The following RAD54B variants were observed in gnomAD, a reference collection of about 807,000 sequenced individuals.
The protein encoded by RAD54B is RAD54 homolog B, also known as DNA repair and recombination protein RAD54B.
In RAD54B, 78 loss-of-function variants were observed where a neutral mutation model predicts 95.8. The ratio of observed to expected loss-of-function variants is 0.81; its 90% CI spans 0.68 to 0.98. The LOEUF (loss-of-function observed/expected upper bound fraction) is 0.98, where lower values mean the gene tolerates loss of function less well. Among genes scored for constraint, RAD54B ranks in the 50% least tolerant of loss-of-function variants. The pLI is 0.00. For synonymous variants in RAD54B, 328 were observed against 354.9 expected, an observed-to-expected ratio of 0.92 and a Z score of 0.85; for missense variants, 957 against 1,056.6, an observed-to-expected ratio of 0.91 and a Z score of 1.31.
intron 3 of RAD54B, among the ~76,000 whole-genome samples, chr8:94,418,130 G>A (rs923581272): frequency 6.6e-6 from 1 of 152,174 alleles, no homozygotes; most frequent in Non-Finnish European, 1.5e-5. Context: ...CCCAGTAGAT[G>A]TAGTGGATAG....
rs1426736288 is a variant in RAD54B, at chr8:94,458,271, T to A, written c.301A>T (p.Thr101Ser). The change falls in exon 3 of 15, where the codon ACA (threonine) becomes TCA (serine). Residue 101 changes from threonine (T) to serine (S), a missense_variant. Thr to Ser is a moderately conservative substitution (Grantham distance 58). Transcript: ENST00000336148. ...TATCAATAAAAAGCAGTCTTACCTG[T>A]ATGAGGTGGATCTAATGTTGCCAGT... ...PTLATLDPPH[T>S]VHSAPKEVAV... is the part of the protein sequence containing the mutation. 27 of 1,601,492 alleles carry A rather than the reference T, an allele frequency of 1.7e-5. No individual in the cohort carries two copies. The highest frequency in any genetic ancestry group is 2.2e-5 in the Non-Finnish European group (26 of 1,175,950).
chr8:94,425,336 T>C (rs1200011467), intron 3 of RAD54B, among the ~76,000 whole-genome samples: 5 of 150,920 alleles, frequency 3.3e-5, no homozygotes, highest in Non-Finnish European at 5.9e-5. Context: ...ATTACAGGCA[T>C]GAGCCACCGC....
At chr8:94,402,717 G>C (rs1316329937) in intron 6 of RAD54B, among the ~76,000 whole-genome samples, 1 of 152,094 alleles carries the variant, frequency 6.6e-6, no homozygotes, top group Non-Finnish European at 1.5e-5. Context: ...TTAAATAAGG[G>C]AATGCCATGT....
rs1478184249 is a variant in RAD54B at position 94,387,016 on chromosome 8, T to C, written c.1953A>G (p.Leu651=). ...TAGGTCGAAGTTCGTGGATAACCGC[T>C]AAGAGCTTGGACAACACCTGTAGTT... ...SGKLQVLSKL[L]AVIHELRPTE... Residue 651 remains leucine, a synonymous_variant, in exon 11 of 15, where the codon TTA becomes TTG. Coordinates refer to ENST00000336148, the MANE Select transcript of RAD54B (RefSeq NM_012415.3). The C allele has an allele frequency of 6.2e-7, 1 of 1,608,710 alleles. No homozygotes were observed. Among genetic ancestry groups the C allele is most frequent in the African/African-American group, 1.3e-5 (1 of 74,564 alleles).
intron 4 of RAD54B, among the ~76,000 whole-genome samples, chr8:94,409,376 T>C (rs1811473098): frequency 6.6e-6 from 1 of 151,362 alleles, no homozygotes; most frequent in Non-Finnish European, 1.5e-5. Context: ...TTCTTTTTCT[T>C]TCTTTTTTTT....
intron 1 of RAD54B, 82 bp downstream of exon 1, chr8:94,474,919 T>G (rs759937063): frequency 6.6e-6 from 1 of 152,610 alleles, no homozygotes; most frequent in African/African-American, 2.4e-5. Flanking sequence ...CTCGTTGGCC[T>G]GCTCCGGCGC....
chr8:94,428,623 T>C (rs1812003250), intron 3 of RAD54B: 1 of 657,132 alleles, frequency 1.5e-6, no homozygotes, highest in South Asian at 6.8e-5. Flanking sequence ...TCTTTTTAAA[T>C]TTCGTATTAC....
intron 3 of RAD54B, among the ~76,000 whole-genome samples, chr8:94,418,311 A>G (rs1811722911): frequency 6.6e-6 from 1 of 152,060 alleles, no homozygotes; most frequent in East Asian, 1.9e-4. Context: ...GAATTTAAAG[A>G]TTTTCAGATT....
At chr8:94,473,103 T>TTA (rs1438929296) in intron 1 of RAD54B, among the ~76,000 whole-genome samples, 1 of 152,188 alleles carries the variant, frequency 6.6e-6, no homozygotes, top group African/African-American at 2.4e-5. Context: ...CATTGCACCC[T>TTA]TATAGCTTTT....
intron 3 of RAD54B, among the ~76,000 whole-genome samples, chr8:94,420,496 G>A (rs1335316063): frequency 2.0e-5 from 3 of 151,726 alleles, no homozygotes; most frequent in South Asian, 4.2e-4. Context: ...ATGAGCTTAA[G>A]CGTCTGGTCT....
intron 2 of RAD54B, among the ~76,000 whole-genome samples, chr8:94,466,567 C>T (rs1477786915): frequency 6.6e-6 from 1 of 151,956 alleles, no homozygotes; most frequent in African/African-American, 2.4e-5. Flanking sequence ...GCCACCATGC[C>T]CGGCTAGTTT....
chr8:94,442,857 A>G (rs1812435630), intron 3 of RAD54B, among the ~76,000 whole-genome samples: 1 of 152,178 alleles, frequency 6.6e-6, no homozygotes, highest in Non-Finnish European at 1.5e-5. Flanking sequence ...CTTTCCCCCC[A>G]GAGCTATAAT....
intron 6 of RAD54B, among the ~76,000 whole-genome samples, chr8:94,401,147 A>T (rs2130010892): frequency 6.6e-6 from 1 of 152,332 alleles, no homozygotes; most frequent in Admixed American, 6.5e-5. Context: ...GGAATTAAGG[A>T]TATTACCAAA....
intron 3 of RAD54B, among the ~76,000 whole-genome samples, chr8:94,457,582 C>G (rs1483051648): frequency 6.6e-6 from 1 of 152,182 alleles, no homozygotes; most frequent in Non-Finnish European, 1.5e-5. Flanking sequence ...ATAAGGATGG[C>G]AGTTACTATT....
At chr8:94,473,526 C>T (rs983844602) in intron 1 of RAD54B, among the ~76,000 whole-genome samples, 13 of 152,216 alleles carry the variant, frequency 8.5e-5, no homozygotes, top group Admixed American at 2.6e-4. Flanking sequence ...ATGTAAAGCA[C>T]TTAGAACAAA....
intron 2 of RAD54B, among the ~76,000 whole-genome samples, chr8:94,462,326 C>T (rs559159467): frequency 1.3e-5 from 2 of 152,146 alleles, no homozygotes; most frequent in South Asian, 2.1e-4. Flanking sequence ...ATCCTATTTC[C>T]TCATTGAACA....
chr8:94,432,155 A>G, intron 3 of RAD54B: 1 of 1,549,994 alleles, frequency 6.5e-7, no homozygotes, highest in East Asian at 2.4e-5. Context: ...ATTCAGGTAG[A>G]TCATGCCGTA....
chr8:94,430,499 C>T (rs914430576), intron 3 of RAD54B: 3 of 936,368 alleles, frequency 3.2e-6, no homozygotes, highest in East Asian at 1.2e-4. Flanking sequence ...GCATCAGAAT[C>T]GCTAAAGGGT....
intron 2 of RAD54B, among the ~76,000 whole-genome samples, chr8:94,465,474 G>C (rs557864108): frequency 6.6e-6 from 1 of 152,272 alleles, no homozygotes; most frequent in South Asian, 2.1e-4. Context: ...CACAACTACT[G>C]AGATGCCAAT....
Sources: gnomAD v4.1 joint callset for allele counts (sites outside exome capture counted in the v4.1 genomes callset) on GRCh38, gnomAD v4.1.1 for gene constraint, MANE v1.5 for transcripts, NCBI Gene and HGNC (gene_info 2026-07-23, HGNC 2026-07-21) for gene names.